Variants in SLC39A10 observed in about 807,000 individuals in gnomAD.
The protein encoded by SLC39A10 is solute carrier family 39 member 10, also known as zinc transporter ZIP10.
A neutral mutation model predicts 65.1 loss-of-function variants in SLC39A10; 13 were observed. The ratio of observed to expected loss-of-function variants is 0.20; its 90% CI spans 0.13 to 0.32. The LOEUF (loss-of-function observed/expected upper bound fraction) is 0.32. SLC39A10 is among the 10% of genes least tolerant of loss of function. The pLI is 1.00. For missense variants in SLC39A10, 831 were observed against 1,018.4 expected (o/e 0.82, Z 2.50); for synonymous variants, 321 against 342.2 (o/e 0.94, Z 0.68).
intron 9 of SLC39A10, among the ~76,000 whole-genome samples, chr2:195,732,695 T>C (rs1204355227): frequency 6.6e-6 from 1 of 152,230 alleles, no homozygotes; most frequent in African/African-American, 2.4e-5. Context: ...ATAGTCTTAC[T>C]AGAACCATAT....
chr2:195,644,973 G>C (rs888495275), intron 2 of SLC39A10, among the ~76,000 whole-genome samples: 1 of 151,688 alleles, frequency 6.6e-6, no homozygotes, highest in African/African-American at 2.4e-5. Flanking sequence ...GCAATGGCGT[G>C]ATCTCGGCTC....
chr2:195,668,807 G>C (rs539988140), intron 1 of SLC39A10, among the ~76,000 whole-genome samples: 1 of 152,206 alleles, frequency 6.6e-6, no homozygotes, highest in Non-Finnish European at 1.5e-5. Flanking sequence ...ACTGTCGCTC[G>C]CACCCAGCAC....
intron 2 of SLC39A10, among the ~76,000 whole-genome samples, chr2:195,634,699 A>G (rs1047106209): frequency 2.6e-5 from 4 of 152,254 alleles, no homozygotes; most frequent in Admixed American, 2.6e-4. Context: ...TTTATCTCAT[A>G]TAATAAGAAT....
chr2:195,679,615 G>A (rs1006490326), intron 1 of SLC39A10, among the ~76,000 whole-genome samples: 6 of 152,064 alleles, frequency 3.9e-5, no homozygotes, highest in African/African-American at 1.4e-4. Context: ...ATTTCTCTCA[G>A]TAATTTTCTG....
At chr2:195,711,852 G>A (rs1472358757) in intron 5 of SLC39A10, among the ~76,000 whole-genome samples, 2 of 152,010 alleles carry the variant, frequency 1.3e-5, no homozygotes, top group Non-Finnish European at 1.5e-5. Context: ...TTGTACTATT[G>A]TTGGCTCCTC....
intron 2 of SLC39A10, among the ~76,000 whole-genome samples, chr2:195,621,457 G>A (rs997264188): frequency 6.6e-6 from 1 of 152,142 alleles, no homozygotes; most frequent in Non-Finnish European, 1.5e-5. Flanking sequence ...GATGGAGTTT[G>A]TTTTCTTGGT....
intron 3 of SLC39A10, among the ~76,000 whole-genome samples, chr2:195,690,527 A>G (rs559501773): frequency 6.6e-6 from 1 of 152,294 alleles, no homozygotes; most frequent in South Asian, 2.1e-4. Context: ...GTTTCTCCAC[A>G]TCTTTGCCAA....
intron 8 of SLC39A10, 36 bp downstream of exon 8, chr2:195,718,368 A>G: frequency 6.7e-7 from 1 of 1,495,840 alleles, no homozygotes; most frequent in South Asian, 1.2e-5. Flanking sequence ...AGATTTCATC[A>G]AATCTAAGAC....
intron 4 of SLC39A10, among the ~76,000 whole-genome samples, chr2:195,707,545 T>A (rs1052773429): frequency 6.6e-6 from 1 of 152,120 alleles, no homozygotes; most frequent in Non-Finnish European, 1.5e-5. Context: ...TCTGCACTCT[T>A]GGTTGAGAAT....
chr2:195,705,075 C>T (rs1311390521), intron 3 of SLC39A10, among the ~76,000 whole-genome samples: 2 of 152,132 alleles, frequency 1.3e-5, no homozygotes, highest in Non-Finnish European at 2.9e-5. Flanking sequence ...TGTTTACAAG[C>T]GTGAGCCACC....
chr2:195,677,687 G>A (rs1420798954), intron 1 of SLC39A10, among the ~76,000 whole-genome samples: 1 of 150,142 alleles, frequency 6.7e-6, no homozygotes, highest in Admixed American at 6.6e-5. Flanking sequence ...TTATTCCTGT[G>A]TGATAGATTT....
chr2:195,725,176 A>G (rs1692190718), intron 8 of SLC39A10, among the ~76,000 whole-genome samples: 1 of 152,148 alleles, frequency 6.6e-6, no homozygotes, highest in Non-Finnish European at 1.5e-5. Context: ...AGATTCTTAA[A>G]AATAGAAGAA....
chr2:195,633,610 G>C (rs1267759649), intron 2 of SLC39A10, among the ~76,000 whole-genome samples: 1 of 152,216 alleles, frequency 6.6e-6, no homozygotes. Flanking sequence ...AGAACTGAAG[G>C]ATAGTAAATG....
At chr2:195,618,640 AC>A (rs1269530800) in intron 2 of SLC39A10, among the ~76,000 whole-genome samples, 2 of 152,198 alleles carry the variant, frequency 1.3e-5, no homozygotes, top group Admixed American at 1.3e-4. Flanking sequence ...AAAAATAAAC[AC>A]ATTTGCTATC....
intron 3 of SLC39A10, among the ~76,000 whole-genome samples, chr2:195,685,025 A>G (rs1690472883): frequency 6.6e-6 from 1 of 152,196 alleles, no homozygotes; most frequent in Non-Finnish European, 1.5e-5. Context: ...GATATCTCAG[A>G]GCTAATAAGT....
chr2:195,622,938 C>T (rs1242952713), intron 2 of SLC39A10, among the ~76,000 whole-genome samples: 1 of 144,952 alleles, frequency 6.9e-6, no homozygotes, highest in Non-Finnish European at 1.5e-5. Flanking sequence ...CGCCCCTGCA[C>T]TCCAGCCTGG....
intron 2 of SLC39A10, among the ~76,000 whole-genome samples, chr2:195,618,672 G>A (rs768771102): frequency 1.3e-5 from 2 of 152,144 alleles, no homozygotes; most frequent in Non-Finnish European, 2.9e-5. Context: ...ATTTGGTTTA[G>A]AAGGAATGAT....
chr2:195,707,891 G>T (rs1691463376), intron 4 of SLC39A10, among the ~76,000 whole-genome samples: 1 of 152,104 alleles, frequency 6.6e-6, no homozygotes, highest in African/African-American at 2.4e-5. Context: ...TTAGAACGAA[G>T]AAAGATACCT....
chr2:195,683,998 G>T (rs1574268090), intron 3 of SLC39A10, 92 bp downstream of exon 3: 3 of 901,662 alleles, frequency 3.3e-6, no homozygotes, highest in Non-Finnish European at 4.9e-6. Flanking sequence ...CTAAATTATT[G>T]ACTTTCTTTT....
Sources: gnomAD v4.1 joint callset for allele counts (sites outside exome capture counted in the v4.1 genomes callset) on GRCh38, gnomAD v4.1.1 for gene constraint, MANE v1.5 for transcripts, NCBI Gene and HGNC (gene_info 2026-07-23, HGNC 2026-07-21) for gene names.